Variants in ROR2 observed in about 807,000 individuals in gnomAD.
ROR2 encodes ROR family WNT receptor 2.
A neutral mutation model predicts 74.9 loss-of-function variants in ROR2; 33 were observed. The observed-to-expected ratio is 0.44, with a 90% CI of 0.33 to 0.59. The LOEUF is 0.59. Among genes scored for constraint, ROR2 ranks in the 20% least tolerant of loss-of-function variants. The pLI is 0.02. For missense variants in ROR2, 1,216 were observed against 1,313.8 expected (o/e 0.93, Z 1.15); for synonymous variants, 586 against 558.7 (o/e 1.05, Z -0.69).
At chr9:91,872,604 T>C (rs1014618240) in intron 1 of ROR2, among the ~76,000 whole-genome samples, 1 of 152,240 alleles carries the variant, frequency 6.6e-6, no homozygotes, top group African/African-American at 2.4e-5. Flanking sequence ...ATAGGCCATT[T>C]TATTAAGTGT....
At chr9:91,846,006 T>C (rs560572522) in intron 1 of ROR2, among the ~76,000 whole-genome samples, 176 of 149,704 alleles carry the variant, frequency 1.2e-3, no homozygotes, top group African/African-American at 4.1e-3. Context: ...AGCAATCCCA[T>C]GGTGGTTGCA....
Position 91,768,823 on chromosome 9 carries a change from G to C in ROR2, c.175+6918C>G, listed in dbSNP as rs370219338. 1.2e-4 allele frequency among the ~76,000 whole-genome samples: 18 copies of C among 152,132 alleles called. No homozygotes were observed. The East Asian group carries it at 1.7e-3, about 15-fold the overall frequency. ...TTTGAAACCTCCTATTTGTGGGGTAGAGTTTTCTTCCAAGACCATTCAGTG... is the reference window on the plus strand; with the variant it reads ...TTTGAAACCTCCTATTTGTGGGGTACAGTTTTCTTCCAAGACCATTCAGTG... On this transcript the variant is annotated intron_variant, in intron 2 of 8. Transcript: ENST00000375708.
At chr9:91,729,047 CTTTGA>C (rs1281696392) in intron 7 of ROR2, among the ~76,000 whole-genome samples, 3 of 149,660 alleles carry the variant, frequency 2.0e-5, no homozygotes, top group Non-Finnish European at 3.0e-5. Flanking sequence ...TTTTTTCATG[CTTTGA>C]TTTATTTTTA....
At chr9:91,848,391 T>C (rs1313350192) in intron 1 of ROR2, among the ~76,000 whole-genome samples, 1 of 152,290 alleles carries the variant, frequency 6.6e-6, no homozygotes, top group Non-Finnish European at 1.5e-5. Context: ...CATCAGATGA[T>C]GGACGTAGAT....
chr9:91,757,278 G>A lies in ROR2; in HGVS notation c.457C>T (p.Arg153Trp), dbSNP rs745695427. 52 of 1,613,702 alleles carry A rather than the reference G, an allele frequency of 3.2e-5. No individual in the cohort carries two copies. The highest frequency in any genetic ancestry group is 4.0e-5 in the Non-Finnish European group (47 of 1,179,968). Residue 153 changes from arginine (R) to tryptophan (W), a missense_variant, in exon 3 of 9, where the codon CGG becomes TGG. Arg to Trp is a moderately radical substitution (Grantham distance 101). Coordinates refer to ENST00000375708, the MANE Select transcript of ROR2 (RefSeq NM_004560.4). ...TITATGVLFV[R>W]LGPTHSPNHN... ...ATTTCACTGTCCAACTCACCCAGCCGCACAAACAGGACGCCAGTGGCGGTA... is the reference window on the plus strand; with the variant it reads ...ATTTCACTGTCCAACTCACCCAGCCACACAAACAGGACGCCAGTGGCGGTA...
chr9:91,825,445 T>C (rs1828257815), intron 1 of ROR2, among the ~76,000 whole-genome samples: 4 of 152,152 alleles, frequency 2.6e-5, no homozygotes, highest in Admixed American at 6.5e-5. Flanking sequence ...CAGAGTGCAA[T>C]GTACTTGTGA....
At chr9:91,796,436 GAAAAAAAA>G (rs907750118) in intron 1 of ROR2, among the ~76,000 whole-genome samples, 3 of 87,702 alleles carry the variant, frequency 3.4e-5, no homozygotes, top group Admixed American at 1.4e-4. Flanking sequence ...TTGTCCCAAG[GAAAAAAAA>G]AAAAAAAAAA....
intron 4 of ROR2, among the ~76,000 whole-genome samples, chr9:91,750,446 T>A (rs1388132505): frequency 6.6e-6 from 1 of 152,202 alleles, no homozygotes; most frequent in Non-Finnish European, 1.5e-5. Flanking sequence ...TATTATTGAT[T>A]CGTGGAAAAC....
intron 1 of ROR2, among the ~76,000 whole-genome samples, chr9:91,869,479 G>A (rs1002874387): frequency 6.6e-6 from 1 of 152,190 alleles, no homozygotes; most frequent in African/African-American, 2.4e-5. Flanking sequence ...ATACTGCTCG[G>A]CAATAGAAAG....
Position 91,733,674 on chromosome 9 carries a change from C to T in ROR2, c.623-238G>A, listed in dbSNP as rs1824910551. Reference sequence around the variant, plus strand: ...AGCAGTCACAGAAAAGTCCCTGGTCCCAGGGCCTCACTTAGAAACATCAGA... The same window carrying T: ...AGCAGTCACAGAAAAGTCCCTGGTCTCAGGGCCTCACTTAGAAACATCAGA... On this transcript the variant is annotated intron_variant, in intron 5 of 8. Transcript: ENST00000375708. The surrounding 1 kb of genome is among the most constrained non-coding windows in gnomAD (Gnocchi z 5.7). Among the ~76,000 whole-genome samples, 1 of 152,104 alleles carries T rather than the reference C, an allele frequency of 6.6e-6. No homozygotes were observed. Among genetic ancestry groups the T allele is most frequent in the South Asian group, 2.1e-4 (1 of 4,832 alleles).
chr9:91,743,547 G>A (rs977134496), intron 4 of ROR2, among the ~76,000 whole-genome samples: 1 of 151,870 alleles, frequency 6.6e-6, no homozygotes, highest in African/African-American at 2.4e-5. Context: ...CTACAGCCTG[G>A]GTGACAGAGT....
At chr9:91,775,065 C>G (rs1826374127) in intron 2 of ROR2, among the ~76,000 whole-genome samples, 1 of 152,206 alleles carries the variant, frequency 6.6e-6, no homozygotes, top group Non-Finnish European at 1.5e-5. Context: ...CTCTCCAGAA[C>G]CCAACTGTGC....
In ROR2 at chr9:91,839,524, T is replaced by C. The variant is rs545005569; in HGVS notation, c.98-63706A>G. ...GCTGTGGGTATGTGTGGTGCGTGTA[T>C]GTTGTGGGGAGGTATATGAGTGTGG... On this transcript the variant is annotated intron_variant, in intron 1 of 8. Transcript: ENST00000375708. 3.3e-5 allele frequency among the ~76,000 whole-genome samples: 5 copies of C among 151,546 alleles called. No homozygotes were observed. The South Asian group carries it at 1.0e-3, about 32-fold the overall frequency.
At chr9:91,889,921 TATA>T (rs1830383857) in intron 1 of ROR2, among the ~76,000 whole-genome samples, 1 of 151,922 alleles carries the variant, frequency 6.6e-6, no homozygotes, top group South Asian at 2.1e-4. Context: ...GAACAGTGGG[TATA>T]ATATTAGCGG....
chr9:91,796,140 T>C (rs1827157973), intron 1 of ROR2, among the ~76,000 whole-genome samples: 1 of 152,194 alleles, frequency 6.6e-6, no homozygotes, highest in Non-Finnish European at 1.5e-5. Flanking sequence ...AAGATCTGTA[T>C]GCTTCTAAAG....
chr9:91,853,693 C>T (rs1272589525), intron 1 of ROR2, among the ~76,000 whole-genome samples: 1 of 152,196 alleles, frequency 6.6e-6, no homozygotes, highest in Non-Finnish European at 1.5e-5. Flanking sequence ...ACACGTCCCA[C>T]TCGACATCCC....
At chr9:91,901,097 A>G (rs1830666399) in intron 1 of ROR2, among the ~76,000 whole-genome samples, 1 of 152,230 alleles carries the variant, frequency 6.6e-6, no homozygotes, top group Non-Finnish European at 1.5e-5. Flanking sequence ...CCATCCTTCA[A>G]CTAGAGAAAA....
chr9:91,770,947 G>C (rs144559719), intron 2 of ROR2, among the ~76,000 whole-genome samples: 1 of 152,282 alleles, frequency 6.6e-6, no homozygotes, highest in East Asian at 1.9e-4. Flanking sequence ...GGTAAACAGA[G>C]ACCAATAGGC....
chr9:91,920,409 G>A (rs1380869255), intron 1 of ROR2, among the ~76,000 whole-genome samples: 1 of 152,198 alleles, frequency 6.6e-6, no homozygotes, highest in East Asian at 1.9e-4. Flanking sequence ...GGGAGGCTGA[G>A]GTGAGAAGAT....
Sources: gnomAD v4.1 joint callset for allele counts (sites outside exome capture counted in the v4.1 genomes callset) on GRCh38, gnomAD v4.1.1 for gene constraint, Gnocchi (gnomAD v3.1) non-coding constraint, MANE v1.5 for transcripts, NCBI Gene and HGNC (gene_info 2026-07-23, HGNC 2026-07-21) for gene names.